WNK2: variants seen among roughly 807,000 people sequenced by gnomAD.
WNK2 encodes serine/threonine-protein kinase WNK2.
Under a neutral mutation model 192.1 loss-of-function variants are expected in WNK2, and 67 were observed. The observed-to-expected ratio is 0.35, with a 90% CI of 0.29 to 0.43. The LOEUF is 0.43. Among genes scored for constraint, WNK2 ranks in the 20% least tolerant of loss-of-function variants. The pLI is 1.00. For missense variants in WNK2, 2,698 were observed against 3,089.7 expected (o/e 0.87, Z 3.01); for synonymous variants, 1,439 against 1,393.9 (o/e 1.03, Z -0.72).
chr9:93,287,567 C>T lies in WNK2; in HGVS notation c.4034-1221C>T, dbSNP rs912072162. ...AGCACGACCATCATGTTTAGACAGA[C>T]GAACGGTAAGGCCGGAAAGGAGCAG... On this transcript the variant is annotated intron_variant, in intron 19 of 29. Transcript: ENST00000427277. Among the ~76,000 whole-genome samples, 4 of 152,074 alleles carry T rather than the reference C, an allele frequency of 2.6e-5. No homozygotes were observed. The South Asian group carries it at 6.2e-4, about 24-fold the overall frequency.
At chr9:93,293,229 C>G in intron 23 of WNK2, 56 bp downstream of exon 23, 1 of 1,394,478 alleles carries the variant, frequency 7.2e-7, no homozygotes, top group Middle Eastern at 2.0e-4. Flanking sequence ...GCACCCCTTC[C>G]CAGTTGTGAG....
intron 28 of WNK2, chr9:93,317,144 T>C: frequency 3.0e-6 from 1 of 334,668 alleles, no homozygotes; most frequent in Non-Finnish European, 5.6e-6. Context: ...GGGTGGTTCA[T>C]GCTCCTGTGA....
chr9:93,255,998 C>T (rs903950661), intron 9 of WNK2, among the ~76,000 whole-genome samples: 2 of 152,150 alleles, frequency 1.3e-5, no homozygotes, highest in Non-Finnish European at 2.9e-5. Flanking sequence ...GTTTAATGTC[C>T]TCGGGAGCCT....
intron 2 of WNK2, among the ~76,000 whole-genome samples, chr9:93,225,648 G>T (rs1837688073): frequency 6.6e-6 from 1 of 152,172 alleles, no homozygotes; most frequent in African/African-American, 2.4e-5. Flanking sequence ...TGAACATTTT[G>T]CTCTGAAACT....
chr9:93,269,840 A>T (rs553677624), intron 19 of WNK2, among the ~76,000 whole-genome samples: 52 of 152,134 alleles, frequency 3.4e-4, no homozygotes, highest in Non-Finnish European at 5.9e-4. Context: ...TTTTCTATTT[A>T]AAAAAAAGGA....
At chr9:93,298,318 C>G (rs1850972710) in intron 24 of WNK2, among the ~76,000 whole-genome samples, 1 of 152,244 alleles carries the variant, frequency 6.6e-6, no homozygotes, top group Non-Finnish European at 1.5e-5. Context: ...GCCTGAGACT[C>G]TAGGCTGTGG....
At chr9:93,269,087 A>T in intron 19 of WNK2, 1 of 790,912 alleles carries the variant, frequency 1.3e-6, no homozygotes, top group South Asian at 1.7e-5. Flanking sequence ...TCTGTGCCGC[A>T]CACCTGCAGC....
chr9:93,195,393 A>G (rs992623272), intron 2 of WNK2, among the ~76,000 whole-genome samples: 1 of 152,200 alleles, frequency 6.6e-6, no homozygotes, highest in Non-Finnish European at 1.5e-5. Flanking sequence ...TGCAACAGCT[A>G]CATTAAAGAT....
chr9:93,305,610 C>G (rs908076275), intron 26 of WNK2, among the ~76,000 whole-genome samples: 6 of 152,236 alleles, frequency 3.9e-5, no homozygotes, highest in African/African-American at 1.2e-4. Flanking sequence ...AGCTAGGTTT[C>G]CAAGTCCAGG....
Position 93,292,585 on chromosome 9 carries a change from A to G in WNK2, c.5120A>G (p.Asp1707Gly). The change falls in exon 23 of 30, where the codon GAC becomes GGC. Residue 1707 changes from aspartate (D) to glycine (G), a missense_variant. Transcript: ENST00000427277. Reference sequence around the variant, plus strand: ...AGCTCGGCAGAGCCCCCGCCGAGTGACATGGGCACAGTGGGGGGCCAGGCT... The same window carrying G: ...AGCTCGGCAGAGCCCCCGCCGAGTGGCATGGGCACAGTGGGGGGCCAGGCT... ...GESSAEPPPSDMGTVGGQASH... is the reference protein window; with the variant it reads ...GESSAEPPPSGMGTVGGQASH... 6.3e-7 allele frequency: 1 copy of G among 1,577,660 alleles called. No homozygotes were observed. The highest frequency in any genetic ancestry group is 2.3e-5 in the East Asian group (1 of 44,166).
intron 29 of WNK2, chr9:93,318,055 C>T (rs1564252845): frequency 1.9e-6 from 3 of 1,611,606 alleles, no homozygotes; most frequent in South Asian, 1.1e-5. Context: ...GCCGTCTCCA[C>T]ACCCACTTCC....
At chr9:93,194,313 A>G (rs972358850) in intron 2 of WNK2, among the ~76,000 whole-genome samples, 3 of 152,256 alleles carry the variant, frequency 2.0e-5, no homozygotes, top group African/African-American at 7.2e-5. Context: ...CAAATGACCC[A>G]TCTGCTTAAG....
chr9:93,289,003 G>GCAGGGGGTC lies in WNK2; in HGVS notation c.4255_4263dup (p.Gly1419_Gly1421dup), dbSNP rs1848893573. On this transcript the variant is annotated inframe_insertion, in exon 20 of 30. Transcript: ENST00000427277. Reference sequence around the variant, plus strand: ...GCCAGCGTCAGGAACTGCCAGCCAGGCAGGGGGTCCAGGGACACCTCAGGG... The same window carrying GCAGGGGGTC: ...GCCAGCGTCAGGAACTGCCAGCCAGGCAGGGGGTCCAGGGGGTCCAGGGACACCTCAGGG... The GCAGGGGGTC allele has an allele frequency of 1.2e-6, 2 of 1,602,010 alleles. No individual in the cohort carries two copies. The highest frequency in any genetic ancestry group is 2.7e-5 in the African/African-American group (2 of 74,686).
intron 14 of WNK2, chr9:93,263,344 G>A: frequency 1.7e-6 from 1 of 600,254 alleles, no homozygotes; most frequent in South Asian, 2.0e-5. Flanking sequence ...CTAGTAGCTA[G>A]GAAGCCTGTG....
intron 19 of WNK2, among the ~76,000 whole-genome samples, chr9:93,272,191 GC>G (rs1846089996): frequency 6.6e-6 from 1 of 152,222 alleles, no homozygotes; most frequent in Admixed American, 6.5e-5. Flanking sequence ...TGAAGGAAGA[GC>G]AACAGAAGTT....
intron 19 of WNK2, among the ~76,000 whole-genome samples, chr9:93,284,365 C>T (rs763147799): frequency 1.3e-5 from 2 of 152,156 alleles, no homozygotes; most frequent in Non-Finnish European, 2.9e-5. Flanking sequence ...TGACAAGTTA[C>T]TAAGTTGCAG....
At chr9:93,306,893 G>T in intron 27 of WNK2, 72 bp downstream of exon 27, 3 of 1,606,892 alleles carry the variant, frequency 1.9e-6, no homozygotes, top group Non-Finnish European at 2.6e-6. Context: ...CGCACATCAG[G>T]GTTCCCGCGG....
rs149250469 is a variant in WNK2, at chr9:93,267,911, G to A, written c.3862G>A (p.Gly1288Arg). 1.0e-4 allele frequency: 162 copies of A among 1,611,884 alleles called. No individual in the cohort carries two copies. Among genetic ancestry groups the A allele is most frequent in the African/African-American group, 6.3e-4 (47 of 75,034 alleles). The change falls in exon 17 of 30, where the codon GGG (glycine) becomes AGG (arginine). Residue 1288 changes from glycine (G) to arginine (R), a missense_variant. Coordinates refer to ENST00000427277, the MANE Select transcript of WNK2 (RefSeq NM_006648.4). ...PHLSTCGLGT[G>R]EESRQSQANA... The stretch of plus-strand genomic sequence containing the variant: ...CCTCAGCACCTGCGGCCTGGGCACC[G>A]GGGAGGTGAGGTTGTGAAATCCGGG...
chr9:93,269,029 C>A, intron 19 of WNK2: 1 of 1,309,186 alleles, frequency 7.6e-7, no homozygotes, highest in Non-Finnish European at 1.1e-6. Flanking sequence ...CTCCGCTGTC[C>A]TTCCTTCACA....
Sources: gnomAD v4.1 joint callset for allele counts (sites outside exome capture counted in the v4.1 genomes callset) on GRCh38, gnomAD v4.1.1 for gene constraint, MANE v1.5 for transcripts, NCBI Gene and HGNC (gene_info 2026-07-23, HGNC 2026-07-21) for gene names.